Variants in GABRB1 observed in about 807,000 individuals in gnomAD.
GABRB1 encodes gamma-aminobutyric acid type A receptor subunit beta1.
Under a neutral mutation model 51.6 loss-of-function variants are expected in GABRB1, and 17 were observed. The observed-to-expected ratio is 0.33, with a 90% CI of 0.23 to 0.49. The LOEUF is 0.49. GABRB1 is among the 20% of genes least tolerant of loss of function. The probability of loss-of-function intolerance (pLI) is 0.99; values close to 1 mark genes in which losing one functional copy is unlikely to be tolerated. For missense variants in GABRB1, 410 were observed against 600.6 expected, an observed-to-expected ratio of 0.68 and a Z score of 3.32; for synonymous variants, 247 against 218.9, an observed-to-expected ratio of 1.13 and a Z score of -1.14.
At chr4:47,311,060 CAAA>C (rs34566582) in intron 4 of GABRB1, among the ~76,000 whole-genome samples, 1 of 52,174 alleles carries the variant, frequency 1.9e-5, no homozygotes, top group Non-Finnish European at 3.2e-5. Context: ...AACTCTGTCT[CAAA>C]AAAAAAAAAA....
chr4:47,298,644 G>C (rs920519268), intron 4 of GABRB1, among the ~76,000 whole-genome samples: 14 of 152,136 alleles, frequency 9.2e-5, no homozygotes, highest in Non-Finnish European at 2.1e-4. Flanking sequence ...AATCAATATC[G>C]TAAAAATGGC....
chr4:47,079,949 G>A (rs1356900400), intron 3 of GABRB1, among the ~76,000 whole-genome samples: 2 of 151,772 alleles, frequency 1.3e-5, no homozygotes, highest in African/African-American at 4.8e-5. Context: ...GTATACATAT[G>A]TAATTAACCT....
chr4:47,289,118 T>C (rs4396966), intron 4 of GABRB1, among the ~76,000 whole-genome samples: 86,641 of 151,666 alleles, frequency 0.57, 25,046 homozygotes, highest in East Asian at 0.68. Context: ...ATTTTTTGAC[T>C]CTTCCCTGAG....
intron 4 of GABRB1, among the ~76,000 whole-genome samples, chr4:47,237,516 G>C (rs1387281789): frequency 1.3e-5 from 2 of 152,136 alleles, no homozygotes; most frequent in East Asian, 3.9e-4. Flanking sequence ...GAGGAAAATG[G>C]AAAGATGAGC....
At chr4:47,249,248 C>T (rs1388487920) in intron 4 of GABRB1, among the ~76,000 whole-genome samples, 1 of 152,102 alleles carries the variant, frequency 6.6e-6, no homozygotes, top group East Asian at 1.9e-4. Context: ...AAATTTCCAT[C>T]TTGATTTCAT....
At chr4:47,227,399 T>G (rs1720981626) in intron 4 of GABRB1, among the ~76,000 whole-genome samples, 1 of 152,114 alleles carries the variant, frequency 6.6e-6, no homozygotes, top group Non-Finnish European at 1.5e-5. Context: ...ACATGTCTCT[T>G]AAGTGTGGGC....
chr4:47,125,596 C>T (rs1475729184), intron 3 of GABRB1, among the ~76,000 whole-genome samples: 1 of 60,588 alleles, frequency 1.7e-5, no homozygotes, highest in African/African-American at 4.3e-5. Context: ...CGCTCTGTCG[C>T]CCAGGCTGGA....
At chr4:47,315,961 A>G (rs1302995892) in intron 4 of GABRB1, among the ~76,000 whole-genome samples, 1 of 151,854 alleles carries the variant, frequency 6.6e-6, no homozygotes, top group Admixed American at 6.6e-5. Flanking sequence ...GGGTGGTGAA[A>G]TAGTCTGTAC....
At chr4:47,152,812 A>G (rs923273708) in intron 3 of GABRB1, among the ~76,000 whole-genome samples, 18 of 151,942 alleles carry the variant, frequency 1.2e-4, no homozygotes, top group South Asian at 2.1e-4. Flanking sequence ...AACCTCCCAT[A>G]TTAAAAGGTC....
intron 8 of GABRB1, among the ~76,000 whole-genome samples, chr4:47,421,770 A>G (rs568819209): frequency 6.6e-6 from 1 of 152,226 alleles, no homozygotes; most frequent in East Asian, 1.9e-4. Context: ...ATCGTGATCT[A>G]TATTATGCCA....
rs1444913082 is a variant in GABRB1 at position 47,161,296 on chromosome 4, G to C, written c.288G>C (p.Arg96Ser). The change falls in exon 4 of 9, where the codon AGG becomes AGC. Residue 96 changes from arginine (R) to serine (S), a missense_variant. Around this residue, in one of 5 missense-constraint regions of GABRB1, gnomAD observed 100 missense variants for 184.3 expected, o/e 0.54. Transcript: ENST00000295454. ...MYFQQSWKDK[R>S]LSYSGIPLNL... ...TCCAGCAGTCTTGGAAAGACAAAAG[G>C]CTTTCTTATTCTGGAATCCCACTGA... 3 of 1,612,050 alleles carry C rather than the reference G, an allele frequency of 1.9e-6. No individual in the cohort carries two copies. Among genetic ancestry groups the C allele is most frequent in the East Asian group, 2.2e-5 (1 of 44,792 alleles).
At chr4:47,242,414 G>T (rs1450729056) in intron 4 of GABRB1, among the ~76,000 whole-genome samples, 1 of 152,170 alleles carries the variant, frequency 6.6e-6, no homozygotes, top group Non-Finnish European at 1.5e-5. Flanking sequence ...TAATGGGATG[G>T]CTGGGTCAAA....
chr4:47,218,430 C>A (rs1398438013), intron 4 of GABRB1, among the ~76,000 whole-genome samples: 1 of 151,768 alleles, frequency 6.6e-6, no homozygotes, highest in African/African-American at 2.4e-5. Flanking sequence ...TGCATAATGG[C>A]TACACTAACT....
intron 1 of GABRB1, among the ~76,000 whole-genome samples, chr4:46,996,606 A>G (rs1724006620): frequency 6.6e-6 from 1 of 152,200 alleles, no homozygotes; most frequent in South Asian, 2.1e-4. Context: ...TTAATATAAA[A>G]GATAACTCAA....
intron 4 of GABRB1, among the ~76,000 whole-genome samples, chr4:47,311,587 A>G (rs926619471): frequency 5.3e-5 from 8 of 152,126 alleles, no homozygotes; most frequent in African/African-American, 1.9e-4. Context: ...AAAAAGGCAG[A>G]TAAATAAGTT....
At chr4:47,201,641 G>A (rs1719900803) in intron 4 of GABRB1, among the ~76,000 whole-genome samples, 2 of 151,612 alleles carry the variant, frequency 1.3e-5, no homozygotes, top group Non-Finnish European at 2.9e-5. Context: ...CTGGGTGGTG[G>A]GTATATATAT....
At chr4:47,043,727 C>A (rs1367584234) in intron 3 of GABRB1, among the ~76,000 whole-genome samples, 2 of 152,062 alleles carry the variant, frequency 1.3e-5, no homozygotes, top group Non-Finnish European at 2.9e-5. Context: ...GGGACCCTAT[C>A]TGTACAATAA....
At chr4:47,096,517 C>G (rs1442511735) in intron 3 of GABRB1, among the ~76,000 whole-genome samples, 1 of 152,148 alleles carries the variant, frequency 6.6e-6, no homozygotes, top group East Asian at 1.9e-4. Context: ...GATGTTCATG[C>G]CCTAATCCTC....
intron 4 of GABRB1, among the ~76,000 whole-genome samples, chr4:47,169,611 C>T (rs905051080): frequency 6.6e-6 from 1 of 152,092 alleles, no homozygotes; most frequent in Non-Finnish European, 1.5e-5. Context: ...AAGCGATTCT[C>T]CTGCCTCAGC....
Sources: gnomAD v4.1 joint callset for allele counts (sites outside exome capture counted in the v4.1 genomes callset) on GRCh38, gnomAD v4.1.1 for gene constraint, gnomAD v4.1.1 regional missense constraint, MANE v1.5 for transcripts, NCBI Gene and HGNC (gene_info 2026-07-23, HGNC 2026-07-21) for gene names.